Variants in NBEA observed in about 807,000 individuals in gnomAD.
NBEA encodes neurobeachin.
A neutral mutation model predicts 343.4 loss-of-function variants in NBEA; 44 were observed. The observed-to-expected ratio is 0.13, with a 90% CI of 0.10 to 0.16. The LOEUF (loss-of-function observed/expected upper bound fraction) is 0.16. Among genes scored for constraint, NBEA ranks in the 10% least tolerant of loss-of-function variants. The pLI is 1.00. For missense variants in NBEA, 2,555 were observed against 3,631.3 expected, an observed-to-expected ratio of 0.70 and a Z score of 7.62; for synonymous variants, 1,175 against 1,238.7, an observed-to-expected ratio of 0.95 and a Z score of 1.08.
At chr13:34,975,535 T>C (rs190740577) in intron 1 of NBEA, among the ~76,000 whole-genome samples, 6 of 152,292 alleles carry the variant, frequency 3.9e-5, no homozygotes, top group Admixed American at 2.6e-4. Context: ...AAAGACTTCA[T>C]GACCAGGAAC....
At chr13:35,438,076 T>A (rs1261632738) in intron 39 of NBEA, among the ~76,000 whole-genome samples, 1 of 151,932 alleles carries the variant, frequency 6.6e-6, no homozygotes, top group Admixed American at 6.6e-5. Flanking sequence ...ATAGGTCTGA[T>A]CAGGCATCGT....
At chr13:35,123,917 A>C (rs1186967748) in intron 17 of NBEA, among the ~76,000 whole-genome samples, 2 of 152,112 alleles carry the variant, frequency 1.3e-5, no homozygotes, top group Non-Finnish European at 2.9e-5. Context: ...AATACTGTGT[A>C]TATGCTGAGG....
intron 1 of NBEA, among the ~76,000 whole-genome samples, chr13:35,014,791 C>T (rs1220923749): frequency 6.6e-6 from 1 of 152,012 alleles, no homozygotes; most frequent in African/African-American, 2.4e-5. Context: ...CTGTTGGTGC[C>T]ACTGGGCTCA....
intron 33 of NBEA, among the ~76,000 whole-genome samples, chr13:35,228,198 G>T (rs2074769575): frequency 6.6e-6 from 1 of 151,952 alleles, no homozygotes; most frequent in African/African-American, 2.4e-5. Flanking sequence ...AACCATAATT[G>T]TAAGCTTTTG....
At chr13:35,468,216 T>G (rs1343518631) in intron 40 of NBEA, among the ~76,000 whole-genome samples, 2 of 151,448 alleles carry the variant, frequency 1.3e-5, no homozygotes, top group Admixed American at 1.3e-4. Flanking sequence ...TAAGCCTCAT[T>G]CTTTTTGAGA....
chr13:35,530,936 G>A (rs1335533402), intron 41 of NBEA, among the ~76,000 whole-genome samples: 1 of 152,188 alleles, frequency 6.6e-6, no homozygotes, highest in Non-Finnish European at 1.5e-5. Flanking sequence ...CTTTTAGGAA[G>A]CTGACAGAGT....
intron 5 of NBEA, among the ~76,000 whole-genome samples, chr13:35,049,080 TGC>T (rs2152562787): frequency 6.6e-6 from 1 of 151,988 alleles, no homozygotes; most frequent in East Asian, 1.9e-4. Flanking sequence ...AACTGACATA[TGC>T]TTTAAAATTG....
At chr13:35,139,024 T>C (rs1339442078) in intron 17 of NBEA, among the ~76,000 whole-genome samples, 1 of 151,398 alleles carries the variant, frequency 6.6e-6, no homozygotes, top group Admixed American at 6.6e-5. Context: ...TTTACTGTTT[T>C]CATATATACT....
At position 35,166,579 on chromosome 13, in the gene NBEA, T is replaced by C. The variant is rs574643633; in HGVS notation, c.4233+2070T>C. On this transcript the variant is annotated intron_variant, in intron 24 of 58. Transcript: ENST00000379939. ...TTTTGGCCCATTAACTGTTTGGACC[T>C]ATGCCTGGTTGTACAACATAGCTGA... Among the ~76,000 whole-genome samples the C allele has an allele frequency of 2.2e-4, 33 of 152,314 alleles. 1 individual carries two copies. The South Asian group carries it at 6.6e-3, about 31-fold the overall frequency.
chr13:35,349,108 A>T lies in NBEA; in HGVS notation c.5904A>T (p.Arg1968Ser). 2 of 1,518,524 alleles carry T rather than the reference A, an allele frequency of 1.3e-6. No homozygotes were observed. The highest frequency in any genetic ancestry group is 2.0e-5 in the Admixed American group (1 of 50,942). The allele number at this position is 1,518,524 out of a possible 1,614,324, so 94.1% of individuals were successfully genotyped here. ...LAFIELINEG[R>S]LLCHAMKDHI... ...TTTCTAAAGGTATTTTTCTTTTTAG[A>T]TTACTGTGCCATGCTATGAAGGACC... Residue 1968 changes from arginine to serine, a missense_variant and splice_region_variant, in exon 37 of 59, where the codon AGA becomes AGT. Arg to Ser is a moderately radical substitution (Grantham distance 110). Around this residue, in one of 21 missense-constraint regions of NBEA, gnomAD observed 84 missense variants for 196.4 expected, o/e 0.43. Coordinates refer to ENST00000379939, the MANE Select transcript of NBEA (RefSeq NM_001385012.1).
At chr13:35,123,326 A>C (rs1469700055) in intron 16 of NBEA, among the ~76,000 whole-genome samples, 156 bp from the exon 17 acceptor site, 1 of 152,190 alleles carries the variant, frequency 6.6e-6, no homozygotes, top group Non-Finnish European at 1.5e-5. Context: ...TTATTAAAGC[A>C]TGCTAGTTTT....
chr13:35,223,496 T>A (rs1006061554), intron 33 of NBEA, among the ~76,000 whole-genome samples: 1 of 152,234 alleles, frequency 6.6e-6, no homozygotes. Context: ...AATGAGAATG[T>A]CATTCTTATC....
chr13:35,080,288 G>T (rs1227297559), intron 10 of NBEA, among the ~76,000 whole-genome samples: 2 of 152,038 alleles, frequency 1.3e-5, no homozygotes, highest in Non-Finnish European at 2.9e-5. Context: ...TCCCTTGGTG[G>T]CCTATGGGTG....
chr13:34,959,260 G>A (rs1220809578), intron 1 of NBEA, among the ~76,000 whole-genome samples: 1 of 152,002 alleles, frequency 6.6e-6, no homozygotes, highest in Non-Finnish European at 1.5e-5. Flanking sequence ...ATATTCTAAG[G>A]TGTGAATTTT....
At chr13:35,039,837 C>T (rs1375998414) in intron 1 of NBEA, among the ~76,000 whole-genome samples, 1 of 152,112 alleles carries the variant, frequency 6.6e-6, no homozygotes, top group African/African-American at 2.4e-5. Context: ...TTCCTCTTTT[C>T]TCATCTACTC....
intron 39 of NBEA, among the ~76,000 whole-genome samples, chr13:35,434,240 T>A (rs1049186922): frequency 1.3e-5 from 2 of 152,136 alleles, no homozygotes; most frequent in Admixed American, 1.3e-4. Context: ...ATAGTCATAT[T>A]TTAATAAAAT....
At chr13:35,543,379 T>G (rs2078919665) in intron 41 of NBEA, among the ~76,000 whole-genome samples, 1 of 152,232 alleles carries the variant, frequency 6.6e-6, no homozygotes, top group Non-Finnish European at 1.5e-5. Context: ...TTCAGTGTTT[T>G]CTACTCTTTC....
intron 36 of NBEA, among the ~76,000 whole-genome samples, chr13:35,322,117 G>A (rs1044609757): frequency 2.6e-5 from 4 of 152,016 alleles, no homozygotes; most frequent in African/African-American, 7.3e-5. Context: ...GTTCTGTCTC[G>A]CTGGCATTCC....
At chr13:35,236,696 T>C (rs1218611893) in intron 34 of NBEA, among the ~76,000 whole-genome samples, 2 of 151,338 alleles carry the variant, frequency 1.3e-5, no homozygotes, top group African/African-American at 4.9e-5. Context: ...GACCTCATGA[T>C]CCGCCCGCCT....
Sources: allele counts gnomAD v4.1 joint callset (sites outside exome capture counted in the v4.1 genomes callset), GRCh38; gene constraint gnomAD v4.1.1; regional missense constraint gnomAD v4.1.1; transcripts MANE v1.5; gene names NCBI Gene and HGNC (gene_info 2026-07-23, HGNC 2026-07-21).